KCNQ5: variants seen among roughly 807,000 people sequenced by gnomAD.
The protein encoded by KCNQ5 is potassium voltage-gated channel subfamily KQT member 5.
Under a neutral mutation model 98.2 loss-of-function variants are expected in KCNQ5, and 30 were observed. The ratio of observed to expected loss-of-function variants is 0.31; its 90% CI spans 0.23 to 0.41. The LOEUF (loss-of-function observed/expected upper bound fraction) is 0.41. Ranked by LOEUF, KCNQ5 falls within the 10% of genes least tolerant of loss-of-function variation. The probability of loss-of-function intolerance (pLI) is 1.00; values close to 1 mark genes in which losing one functional copy is unlikely to be tolerated. For synonymous variants in KCNQ5, 458 were observed against 449.4 expected, an observed-to-expected ratio of 1.02 and a Z score of -0.24; for missense variants, 835 against 1,182.5, an observed-to-expected ratio of 0.71 and a Z score of 4.31.
intron 10 of KCNQ5, among the ~76,000 whole-genome samples, chr6:73,166,788 C>T (rs1467679123): frequency 6.6e-6 from 1 of 152,184 alleles, no homozygotes; most frequent in Non-Finnish European, 1.5e-5. Flanking sequence ...TGGGGGCCAA[C>T]AATCCCTGGT....
At chr6:72,693,759 C>A (rs573048742) in intron 1 of KCNQ5, among the ~76,000 whole-genome samples, 1 of 152,240 alleles carries the variant, frequency 6.6e-6, no homozygotes, top group Admixed American at 6.5e-5. Flanking sequence ...AAAACTAGCA[C>A]CCCACTGATT....
chr6:73,042,850 T>A lies in KCNQ5; in HGVS notation c.616+788T>A, dbSNP rs1473125075. Among the ~76,000 whole-genome samples the A allele has an allele frequency of 2.6e-5, 4 of 152,176 alleles. No homozygotes were observed. In the East Asian group the frequency reaches 7.7e-4, roughly 29 times the overall value. ...GTATTATAAAATGGAAAAGTCTATA[T>A]ATAAAAGCTATTATTATTATTATTT... On this transcript the variant is annotated intron_variant, in intron 3 of 13. Coordinates refer to ENST00000370398, the MANE Select transcript of KCNQ5 (RefSeq NM_019842.4).
At chr6:73,046,089 A>T (rs1261784295) in intron 3 of KCNQ5, among the ~76,000 whole-genome samples, 1 of 152,128 alleles carries the variant, frequency 6.6e-6, no homozygotes, top group Non-Finnish European at 1.5e-5. Flanking sequence ...CTATGATTTC[A>T]TCTTATTAAA....
intron 3 of KCNQ5, 96 bp from the exon 4 acceptor site, chr6:73,077,226 T>C: frequency 1.6e-6 from 2 of 1,253,930 alleles, no homozygotes; most frequent in Non-Finnish European, 2.3e-6. Context: ...TATCTGTACC[T>C]TAAATAGGTC....
rs1430902579 is a variant in KCNQ5, at chr6:72,655,022, GTCTGTCTTTCTTTCTTTCTTTCTT to G, written c.398+32439_398+32462del. On this transcript the variant is annotated intron_variant, in intron 1 of 13. Transcript: ENST00000370398. ...TTTCCATGTTTAATAGCCAAGGTCT[GTCTGTCTTTCTTTCTTTCTTTCTT>G]TCTTTCTTTCTTTCTTTCTTTCTTT... is the stretch of plus-strand genomic sequence containing the variant. Among the ~76,000 whole-genome samples, 130 of 119,060 alleles carry G rather than the reference GTCTGTCTTTCTTTCTTTCTTTCTT, an allele frequency of 1.1e-3. 2 individuals carry two copies. The highest frequency in any genetic ancestry group is 3.5e-3 in the African/African-American group (114 of 32,788). 78.1% of individuals were successfully genotyped at this position (119,060 alleles called of 152,430 possible). A position where few individuals can be genotyped will look rare whatever the true frequency, so the allele number is the denominator to read the frequency against.
At chr6:73,132,193 C>T (rs187510272) in intron 9 of KCNQ5, among the ~76,000 whole-genome samples, 4 of 152,254 alleles carry the variant, frequency 2.6e-5, no homozygotes, top group East Asian at 1.9e-4. Context: ...GCCTCCACTT[C>T]GTCTCAAATA....
chr6:72,709,296 A>C (rs1769242416), intron 1 of KCNQ5, among the ~76,000 whole-genome samples: 2 of 152,210 alleles, frequency 1.3e-5, no homozygotes, highest in South Asian at 4.1e-4. Context: ...AATCCATACA[A>C]AACATCCAAA....
intron 1 of KCNQ5, among the ~76,000 whole-genome samples, chr6:72,896,060 GT>G (rs1290496109): frequency 2.6e-5 from 4 of 152,054 alleles, no homozygotes; most frequent in African/African-American, 7.2e-5. Flanking sequence ...AGTTCCAAAA[GT>G]TTATTTCTTA....
intron 1 of KCNQ5, among the ~76,000 whole-genome samples, chr6:72,706,042 C>A (rs1165711160): frequency 6.6e-6 from 1 of 151,910 alleles, no homozygotes; most frequent in East Asian, 1.9e-4. Context: ...TGCTGCAGAG[C>A]TGATTATTTT....
intron 3 of KCNQ5, chr6:73,055,655 C>T (rs1382288809): frequency 2.1e-5 from 24 of 1,138,234 alleles, no homozygotes; most frequent in Non-Finnish European, 3.1e-5. Flanking sequence ...TGGCAACAGC[C>T]TCTGGGGCAC....
intron 2 of KCNQ5, among the ~76,000 whole-genome samples, chr6:73,024,233 C>A (rs1770751616): frequency 6.6e-6 from 1 of 152,018 alleles, no homozygotes; most frequent in Admixed American, 6.6e-5. Context: ...TATAGGAGTT[C>A]AACCACTGAC....
At chr6:73,153,464 ATG>A (rs976405150) in intron 10 of KCNQ5, among the ~76,000 whole-genome samples, 8 of 152,126 alleles carry the variant, frequency 5.3e-5, no homozygotes, top group East Asian at 3.9e-4. Context: ...GCATCTTTGT[ATG>A]TGTGTGTGCT....
At chr6:72,956,496 TTTTTTTTTTTG>T (rs1305213162) in intron 1 of KCNQ5, among the ~76,000 whole-genome samples, 2 of 150,308 alleles carry the variant, frequency 1.3e-5, no homozygotes, top group Non-Finnish European at 3.0e-5. Flanking sequence ...TTTCTTTTTT[TTTTTTTTTTTG>T]AAGCTTCTTT....
intron 3 of KCNQ5, among the ~76,000 whole-genome samples, chr6:73,069,908 A>G (rs1456218307): frequency 6.6e-6 from 1 of 152,242 alleles, no homozygotes; most frequent in Non-Finnish European, 1.5e-5. Context: ...AAGGAAAAAC[A>G]GGAGAGTGAA....
At chr6:73,156,149 G>T in intron 10 of KCNQ5, among the ~76,000 whole-genome samples, 1 of 152,146 alleles carries the variant, frequency 6.6e-6, no homozygotes, top group East Asian at 1.9e-4. Context: ...ATAGCAGAGG[G>T]TGGCAGGGGG....
At chr6:72,892,586 G>C (rs928049291) in intron 1 of KCNQ5, among the ~76,000 whole-genome samples, 1 of 152,090 alleles carries the variant, frequency 6.6e-6, no homozygotes, top group Non-Finnish European at 1.5e-5. Context: ...CCAATCATAA[G>C]TAGAAATGCC....
chr6:73,091,178 TG>T (rs2150404983), intron 5 of KCNQ5, among the ~76,000 whole-genome samples: 2 of 152,260 alleles, frequency 1.3e-5, no homozygotes, highest in Non-Finnish European at 2.9e-5. Flanking sequence ...TGCAGGGACA[TG>T]GATGAAACTG....
intron 1 of KCNQ5, among the ~76,000 whole-genome samples, chr6:72,982,680 G>C (rs1768529589): frequency 6.6e-6 from 1 of 151,880 alleles, no homozygotes; most frequent in Non-Finnish European, 1.5e-5. Flanking sequence ...TACATTTAAG[G>C]TTAATATTGT....
intron 11 of KCNQ5, among the ~76,000 whole-genome samples, chr6:73,171,609 G>A (rs1028305280): frequency 6.6e-6 from 1 of 152,140 alleles, no homozygotes; most frequent in Non-Finnish European, 1.5e-5. Flanking sequence ...TGGATCAGTC[G>A]CACCATTCAT....
Sources: gnomAD v4.1 joint callset for allele counts (sites outside exome capture counted in the v4.1 genomes callset) on GRCh38, gnomAD v4.1.1 for gene constraint, MANE v1.5 for transcripts, NCBI Gene and HGNC (gene_info 2026-07-23, HGNC 2026-07-21) for gene names.